The following FILIP1L variants were observed in gnomAD, a reference collection of about 807,000 sequenced individuals.
The protein encoded by FILIP1L is filamin A interacting protein 1 like.
A neutral mutation model predicts 96.6 loss-of-function variants in FILIP1L; 55 were observed. The observed-to-expected ratio is 0.57, with a 90% CI of 0.46 to 0.71. The LOEUF is 0.71. Among genes scored for constraint, FILIP1L ranks in the 30% least tolerant of loss-of-function variants. FILIP1L has a pLI of 0.00. For synonymous variants in FILIP1L, 467 were observed against 473.9 expected (o/e 0.99, Z 0.19); for missense variants, 1,304 against 1,321.2 (o/e 0.99, Z 0.20).
At position 99,947,918 on chromosome 3, in the gene FILIP1L, T is replaced by C. The variant is rs540279171; in HGVS notation, c.-10-16888A>G. On this transcript the variant is annotated intron_variant, in intron 1 of 5. Coordinates refer to ENST00000477258, the MANE Select transcript of FILIP1L (RefSeq NM_001387850.1). ...CCTTTCATGGAGGAAGCTGTTATTA[T>C]ATTTACAGATTACCTCATCATATAG... is the stretch of plus-strand genomic sequence containing the variant. 2.0e-4 allele frequency among the ~76,000 whole-genome samples: 31 copies of C among 152,346 alleles called. No homozygotes were observed. In the South Asian group the frequency reaches 6.0e-3, roughly 30 times the overall value.
intron 1 of FILIP1L, among the ~76,000 whole-genome samples, chr3:100,003,216 T>C (rs1393044636): frequency 6.6e-6 from 1 of 152,206 alleles, no homozygotes; most frequent in Non-Finnish European, 1.5e-5. Context: ...ATAAGTGGAC[T>C]TCATACCAAT....
chr3:100,032,087 C>T (rs2065031278), intron 1 of FILIP1L, among the ~76,000 whole-genome samples: 1 of 152,074 alleles, frequency 6.6e-6, no homozygotes, highest in South Asian at 2.1e-4. Context: ...GCCCATTAGC[C>T]ATAGTTTGCT....
At chr3:100,037,186 C>G (rs2065122030) in intron 1 of FILIP1L, among the ~76,000 whole-genome samples, 1 of 150,952 alleles carries the variant, frequency 6.6e-6, no homozygotes, top group Non-Finnish European at 1.5e-5. Context: ...TGATTTTGAT[C>G]ATTGTGGAGT....
At chr3:99,874,207 C>T (rs891708104) in intron 4 of FILIP1L, 3 of 152,166 alleles carry the variant, frequency 2.0e-5, no homozygotes, top group East Asian at 1.9e-4. Context: ...CTGGGAAACA[C>T]AGCTGTTAGA....
chr3:99,972,797 G>A (rs1339321110), intron 1 of FILIP1L, among the ~76,000 whole-genome samples: 1 of 152,214 alleles, frequency 6.6e-6, no homozygotes, highest in African/African-American at 2.4e-5. Context: ...ACTTCCATAA[G>A]TGTGAGGCAA....
chr3:100,026,104 CACGAGGCTGG>C (rs1457735927), intron 1 of FILIP1L, among the ~76,000 whole-genome samples: 2 of 151,976 alleles, frequency 1.3e-5, no homozygotes, highest in Non-Finnish European at 2.9e-5. Context: ...TTCTTTTTAC[CACGAGGCTGG>C]ACGAGGCTGG....
intron 4 of FILIP1L, among the ~76,000 whole-genome samples, chr3:99,913,382 A>G (rs1392399443): frequency 2.6e-5 from 4 of 152,248 alleles, no homozygotes; most frequent in African/African-American, 9.6e-5. Context: ...TTTTGATTAA[A>G]GTTATCGTAG....
chr3:100,022,805 A>T (rs1168459355), intron 1 of FILIP1L, among the ~76,000 whole-genome samples: 2 of 152,202 alleles, frequency 1.3e-5, no homozygotes, highest in African/African-American at 4.8e-5. Context: ...ACATCAGTGC[A>T]TGGGCCTCAA....
intron 1 of FILIP1L, among the ~76,000 whole-genome samples, chr3:99,983,450 ATATATATATGTGTG>A (rs1709212399): frequency 9.9e-5 from 1 of 10,092 alleles, no homozygotes; most frequent in Non-Finnish European, 2.1e-4. Flanking sequence ...ATGTATGTAT[ATATATATATGTGTG>A]TATATATATA....
intron 4 of FILIP1L, chr3:99,898,764 TAAA>T (rs35626116): frequency 9.9e-4 from 122 of 123,622 alleles, no homozygotes; most frequent in Middle Eastern, 8.6e-3. Context: ...AGACTCCATC[TAAA>T]AAAAAAAAAA....
At chr3:99,983,381 AATAAATAAATATATATATATAT>A (rs1709186216) in intron 1 of FILIP1L, among the ~76,000 whole-genome samples, 2 of 30,026 alleles carry the variant, frequency 6.7e-5, no homozygotes, top group African/African-American at 1.8e-4. Flanking sequence ...TTAAAAAATA[AATAAATAAATATATATATATAT>A]ATATATATAT....
chr3:100,107,573 T>A (rs2066415852), intron 1 of FILIP1L, among the ~76,000 whole-genome samples: 1 of 152,190 alleles, frequency 6.6e-6, no homozygotes, highest in Non-Finnish European at 1.5e-5. Flanking sequence ...AAACTTGCAG[T>A]CTTGTGAGTA....
At chr3:99,923,873 A>C (rs1707201759) in intron 4 of FILIP1L, among the ~76,000 whole-genome samples, 1 of 152,192 alleles carries the variant, frequency 6.6e-6, no homozygotes, top group Admixed American at 6.5e-5. Flanking sequence ...CTCAAAATGC[A>C]GGTTCTTTTC....
At chr3:99,872,668 G>A (rs1426617485) in intron 4 of FILIP1L, among the ~76,000 whole-genome samples, 1 of 152,074 alleles carries the variant, frequency 6.6e-6, no homozygotes, top group East Asian at 1.9e-4. Flanking sequence ...GCATAGAAAT[G>A]TGAGGACGGT....
At chr3:100,096,176 TACA>T (rs1267051519) in intron 1 of FILIP1L, among the ~76,000 whole-genome samples, 3 of 152,134 alleles carry the variant, frequency 2.0e-5, no homozygotes, top group African/African-American at 7.2e-5. Flanking sequence ...TGAAAATTGG[TACA>T]ACCACTGTGG....
intron 1 of FILIP1L, chr3:100,040,689 A>G (rs781525202): frequency 2.0e-5 from 3 of 152,228 alleles, no homozygotes; most frequent in Non-Finnish European, 2.9e-5. Flanking sequence ...CTTCATTTGA[A>G]TGACTATTAC....
chr3:99,993,058 T>G (rs1249515875), intron 1 of FILIP1L, among the ~76,000 whole-genome samples: 1 of 152,048 alleles, frequency 6.6e-6, no homozygotes, highest in Non-Finnish European at 1.5e-5. Context: ...GTTATTTTGG[T>G]TGCTATAGTC....
chr3:99,963,906 G>A lies in FILIP1L; in HGVS notation c.-10-32876C>T, dbSNP rs572541385. 1.1e-4 allele frequency among the ~76,000 whole-genome samples: 16 copies of A among 152,132 alleles called. No individual in the cohort carries two copies. The South Asian group carries it at 1.7e-3, about 16-fold the overall frequency. On this transcript the variant is annotated intron_variant, in intron 1 of 5. Coordinates refer to ENST00000477258, the MANE Select transcript of FILIP1L (RefSeq NM_001387850.1). ...CCTGGGATTACAGGTGTGAGCCACCGCGCCCAGCCACATCCATTTGTTAAT... is the reference window on the plus strand; with the variant it reads ...CCTGGGATTACAGGTGTGAGCCACCACGCCCAGCCACATCCATTTGTTAAT...
chr3:99,923,003 G>A (rs940898147), intron 4 of FILIP1L, among the ~76,000 whole-genome samples: 1 of 151,734 alleles, frequency 6.6e-6, no homozygotes, highest in Admixed American at 6.6e-5. Flanking sequence ...GCATTATTTG[G>A]TGCTATTTGA....
Sources: allele counts gnomAD v4.1 joint callset (sites outside exome capture counted in the v4.1 genomes callset), GRCh38; gene constraint gnomAD v4.1.1; transcripts MANE v1.5; gene names NCBI Gene and HGNC (gene_info 2026-07-23, HGNC 2026-07-21).